CLIP1: variants seen among roughly 807,000 people sequenced by gnomAD.
The protein encoded by CLIP1 is CAP-Gly domain-containing linker protein 1.
A neutral mutation model predicts 161.6 loss-of-function variants in CLIP1; 66 were observed. The ratio of observed to expected loss-of-function variants is 0.41; its 90% CI spans 0.33 to 0.50. The LOEUF is 0.50. Among genes scored for constraint, CLIP1 ranks in the 20% least tolerant of loss-of-function variants. CLIP1 has a pLI of 0.27. For synonymous variants in CLIP1, 598 were observed against 626.2 expected (o/e 0.96, Z 0.67); for missense variants, 1,376 against 1,702.0 (o/e 0.81, Z 3.37).
At chr12:122,327,894 G>T (rs1047804498) in intron 17 of CLIP1, 53 bp downstream of exon 17, 80 of 1,552,590 alleles carry the variant, frequency 5.2e-5, no homozygotes, top group Non-Finnish European at 6.4e-5. Flanking sequence ...TTCCTGCCTC[G>T]ACACAGAGCT....
intron 11 of CLIP1, among the ~76,000 whole-genome samples, chr12:122,339,284 G>T (rs1303477578): frequency 6.6e-6 from 1 of 152,084 alleles, no homozygotes; most frequent in African/African-American, 2.4e-5. Flanking sequence ...CCATGCAAAG[G>T]GCTCCAAGCT....
At chr12:122,369,973 G>A (rs1001924383) in intron 3 of CLIP1, among the ~76,000 whole-genome samples, 29 of 152,000 alleles carry the variant, frequency 1.9e-4, no homozygotes, top group African/African-American at 6.7e-4. Flanking sequence ...GACCAGCCTG[G>A]GCAACATGGC....
intron 20 of CLIP1, among the ~76,000 whole-genome samples, chr12:122,297,814 C>T (rs1333798092): frequency 6.6e-6 from 1 of 152,198 alleles, no homozygotes; most frequent in East Asian, 1.9e-4. Flanking sequence ...TGCACAGATC[C>T]CCCTTTTCTA....
chr12:122,284,118 G>T (rs1955754431), intron 21 of CLIP1, among the ~76,000 whole-genome samples: 1 of 152,012 alleles, frequency 6.6e-6, no homozygotes, highest in African/African-American at 2.4e-5. Flanking sequence ...TTACATTCAG[G>T]TTTCTAAAAC....
At chr12:122,339,402 A>G (rs1952390219) in intron 11 of CLIP1, among the ~76,000 whole-genome samples, 1 of 151,962 alleles carries the variant, frequency 6.6e-6, no homozygotes, top group South Asian at 2.1e-4. Context: ...CAGTGGCACG[A>G]TCTCAGCTCA....
chr12:122,319,189 G>A (rs775952702), intron 18 of CLIP1, 43 bp downstream of exon 18: 1 of 1,294,482 alleles, frequency 7.7e-7, no homozygotes, highest in South Asian at 1.2e-5. Flanking sequence ...CTACCAAGTT[G>A]GTAAGCTGTT....
At chr12:122,417,764 G>A (rs1176663042) in intron 1 of CLIP1, among the ~76,000 whole-genome samples, 5 of 151,970 alleles carry the variant, frequency 3.3e-5, no homozygotes, top group East Asian at 1.9e-4. Flanking sequence ...CACCCACCTC[G>A]GCCTCCCAAG....
At chr12:122,419,994 A>T (rs1349340169) in intron 1 of CLIP1, among the ~76,000 whole-genome samples, 1 of 151,422 alleles carries the variant, frequency 6.6e-6, no homozygotes. Context: ...TATGAGTCAC[A>T]TGGGATGTGA....
In CLIP1 at chr12:122,274,064, G is replaced by A. The variant is rs764488108; in HGVS notation, c.4065C>T (p.Asn1355=). The A allele has an allele frequency of 1.7e-5, 27 of 1,613,512 alleles. No homozygotes were observed. Among genetic ancestry groups the A allele is most frequent in the South Asian group, 3.3e-5 (3 of 91,070 alleles). ...EMMSEAALNG[N]GDDLNNYDSD... ...TGTCATAATTGTTTAGGTCATCCCC[G>A]TTCCCATTCAGGGCTGCTTCTGACA... Residue 1355 remains asparagine (N), a synonymous_variant, in exon 25 of 26, where the codon AAC becomes AAT. Transcript: ENST00000620786.
At chr12:122,361,958 ATT>A (rs879595634) in intron 4 of CLIP1, among the ~76,000 whole-genome samples, 1 of 146,438 alleles carries the variant, frequency 6.8e-6, no homozygotes. Context: ...AAAATGTATA[ATT>A]TTTTTTTTTT....
intron 1 of CLIP1, among the ~76,000 whole-genome samples, chr12:122,420,995 G>T (rs1956920592): frequency 6.6e-6 from 1 of 150,558 alleles, no homozygotes; most frequent in South Asian, 2.1e-4. Flanking sequence ...CTTGCTTTTT[G>T]CCACAGATTC....
At chr12:122,390,261 C>A (rs1173186964) in intron 1 of CLIP1, among the ~76,000 whole-genome samples, 3 of 89,580 alleles carry the variant, frequency 3.3e-5, no homozygotes, top group Non-Finnish European at 6.9e-5. Flanking sequence ...CACATATATA[C>A]ACACACATAT....
intron 20 of CLIP1, among the ~76,000 whole-genome samples, chr12:122,296,644 G>T (rs1267505326): frequency 4.6e-5 from 7 of 151,630 alleles, no homozygotes; most frequent in African/African-American, 1.7e-4. Flanking sequence ...TTATTTCTTT[G>T]GAAATAAAAA....
intron 1 of CLIP1, among the ~76,000 whole-genome samples, chr12:122,398,957 A>AAC (rs1250365424): frequency 6.6e-6 from 1 of 151,192 alleles, no homozygotes; most frequent in Non-Finnish European, 1.5e-5. Context: ...AAAAAAAAAA[A>AAC]AAACCTTAAG....
chr12:122,316,903 G>C (rs757387169), intron 18 of CLIP1, 48 bp from the exon 19 acceptor site: 2 of 1,135,890 alleles, frequency 1.8e-6, no homozygotes, highest in Non-Finnish European at 1.2e-6. Flanking sequence ...TCATTTTCCA[G>C]TGACATGAAT....
intron 5 of CLIP1, chr12:122,356,288 A>G (rs1490048622): frequency 6.6e-6 from 1 of 152,232 alleles, no homozygotes; most frequent in South Asian, 2.1e-4. Flanking sequence ...TCACCAGTGC[A>G]CTGTAGGATG....
chr12:122,273,276 GTC>G (rs1266835825), intron 25 of CLIP1, among the ~76,000 whole-genome samples, 176 bp from the exon 26 acceptor site: 2 of 152,162 alleles, frequency 1.3e-5, no homozygotes, highest in African/African-American at 4.8e-5. Flanking sequence ...TTGAGATGGA[GTC>G]TCAGACTCTC....
chr12:122,302,473 C>G (rs566559641), intron 20 of CLIP1, among the ~76,000 whole-genome samples: 1 of 152,056 alleles, frequency 6.6e-6, no homozygotes, highest in African/African-American at 2.4e-5. Context: ...TATTTTGGAC[C>G]AATTTTTCCC....
chr12:122,297,349 C>T (rs1316537020), intron 20 of CLIP1, among the ~76,000 whole-genome samples: 1 of 152,058 alleles, frequency 6.6e-6, no homozygotes, highest in Admixed American at 6.5e-5. Context: ...AAAAAATCTC[C>T]GGAGAGGAGA....
Sources: gnomAD v4.1 joint callset for allele counts (sites outside exome capture counted in the v4.1 genomes callset) on GRCh38, gnomAD v4.1.1 for gene constraint, MANE v1.5 for transcripts, NCBI Gene and HGNC (gene_info 2026-07-23, HGNC 2026-07-21) for gene names.